Variants in CD40 observed in about 807,000 individuals in gnomAD.
CD40 encodes the protein CD40 molecule.
A neutral mutation model predicts 38.5 loss-of-function variants in CD40; 19 were observed. That is an observed-to-expected ratio of 0.49 (90% CI 0.34 to 0.72). The LOEUF (loss-of-function observed/expected upper bound fraction) is 0.72, where lower values mean the gene tolerates loss of function less well. CD40 is among the 30% of genes least tolerant of loss of function. The pLI is 0.01. For synonymous variants in CD40, 130 were observed against 128.7 expected (o/e 1.01, Z -0.07); for missense variants, 256 against 344.1 (o/e 0.74, Z 2.03).
At chr20:46,121,962 C>T in intron 2 of CD40, 64 bp downstream of exon 2, 1 of 1,334,904 alleles carries the variant, frequency 7.5e-7, no homozygotes, top group Non-Finnish European at 1.1e-6. Context: ...AGACGCAGAC[C>T]CCATATGTTA....
At chr20:46,118,514 G>A in intron 1 of CD40, 120 bp downstream of exon 1, 1 of 766,956 alleles carries the variant, frequency 1.3e-6, no homozygotes, top group Non-Finnish European at 2.2e-6. Flanking sequence ...GAGGGTGGGT[G>A]GGAGCTGGGC....
Position 46,122,876 on chromosome 20 carries a change from T to C in CD40, c.403+120T>C, listed in dbSNP as rs2085347363. On this transcript the variant is annotated intron_variant, in intron 4 of 8. Coordinates refer to ENST00000372285, the MANE Select transcript of CD40 (RefSeq NM_001250.6). This position sits in a 1 kb window ranked among gnomAD's most constrained non-coding sequence, Gnocchi z 5.0. ...CAGAGGAAGCAGAGGCTCCAACCTA[T>C]GTCGGTATCCCCACTGGAGTGAGCT... 2 of 1,290,014 alleles carry C rather than the reference T, an allele frequency of 1.6e-6. No homozygotes were observed. The highest frequency in any genetic ancestry group is 1.1e-6 in the Non-Finnish European group (1 of 920,448). The allele number at this position is 1,290,014 out of a possible 1,614,324, so 79.9% of individuals were successfully genotyped here.
At chr20:46,124,801 CTG>C (rs1257434350) in intron 5 of CD40, among the ~76,000 whole-genome samples, 33 of 112,342 alleles carry the variant, frequency 2.9e-4, no homozygotes, top group Non-Finnish European at 4.7e-4. Context: ...GAGTCTCACT[CTG>C]TCGCCCAGGC....
At chr20:46,119,134 GC>G (rs1267796686) in intron 1 of CD40, among the ~76,000 whole-genome samples, 1 of 152,150 alleles carries the variant, frequency 6.6e-6, no homozygotes, top group East Asian at 1.9e-4. Flanking sequence ...CACCAGAGGG[GC>G]TCAGAGCCAA....
At chr20:46,126,518 G>T (rs989657397) in intron 5 of CD40, 122 bp from the exon 6 acceptor site, 1 of 1,136,956 alleles carries the variant, frequency 8.8e-7, no homozygotes, top group Admixed American at 1.9e-5. Flanking sequence ...TGTGTGCTCA[G>T]TGAACCTGGA....
At position 46,129,112 on chromosome 20, in the gene CD40, G is replaced by C; in HGVS notation, c.*72G>C. ...GGCCAGAGAGCCTGGTGCTGCTGCT[G>C]CTGTGGCGTGAGGGTGAGGGGCTGG... is the stretch of plus-strand genomic sequence containing the variant. On this transcript the variant is annotated 3_prime_UTR_variant, in exon 9 of 9. Coordinates refer to ENST00000372285, the MANE Select transcript of CD40 (RefSeq NM_001250.6). 6.4e-7 allele frequency: 1 copy of C among 1,555,348 alleles called. No homozygotes were observed. The highest frequency in any genetic ancestry group is 1.1e-5 in the South Asian group (1 of 89,786).
rs1282504941 is a variant in CD40 at position 46,128,428 on chromosome 20, G to A, written c.675+70G>A. 2.6e-6 allele frequency: 4 copies of A among 1,540,794 alleles called. No individual in the cohort carries two copies. In the African/African-American group the frequency reaches 5.5e-5, roughly 21 times the overall value. On this transcript the variant is annotated intron_variant, in intron 8 of 8. Coordinates refer to ENST00000372285, the MANE Select transcript of CD40 (RefSeq NM_001250.6). ...GAAGATGGCCTCACGGTTGCCTATGGGGCAGTAAAACTGATTCAGAGTCTG... is the reference window on the plus strand; with the variant it reads ...GAAGATGGCCTCACGGTTGCCTATGAGGCAGTAAAACTGATTCAGAGTCTG...
rs755557724 is a variant in CD40 at position 46,128,834 on chromosome 20, C to A, written c.676-48C>A. ...TTCCCAGGGAGGGGCTCCTCAGAGGCACAGCTGCCCCTGCTGCTGGGGGTG... is the reference window on the plus strand; with the variant it reads ...TTCCCAGGGAGGGGCTCCTCAGAGGAACAGCTGCCCCTGCTGCTGGGGGTG... On this transcript the variant is annotated intron_variant, in intron 8 of 8. Coordinates refer to ENST00000372285, the MANE Select transcript of CD40 (RefSeq NM_001250.6). 2.5e-6 allele frequency: 4 copies of A among 1,604,854 alleles called. No individual in the cohort carries two copies. In the South Asian group the frequency reaches 4.4e-5, roughly 18 times the overall value.
In CD40 at chr20:46,129,454, G is replaced by C; in HGVS notation, c.*414G>C. On this transcript the variant is annotated 3_prime_UTR_variant, in exon 9 of 9. Coordinates refer to ENST00000372285, the MANE Select transcript of CD40 (RefSeq NM_001250.6). ...CATTGTTTGTGATAGTGAACAACTG[G>C]AAGCTGCTTAACTGTCCATCAGCAG... 8.6e-6 allele frequency: 2 copies of C among 232,326 alleles called. No individual in the cohort carries two copies. Among genetic ancestry groups the C allele is most frequent in the South Asian group, 6.1e-5 (1 of 16,290 alleles). The allele number at this position is 232,326 out of a possible 1,614,324, so 14.4% of individuals were successfully genotyped here.
rs1309660087 is a variant in CD40, at chr20:46,118,351, G to T, written c.8G>T (p.Arg3Leu). Residue 3 changes from arginine to leucine, a missense_variant, in exon 1 of 9, where the codon CGT becomes CTT. Physicochemically the swap from Arg to Leu is moderately radical, Grantham distance 102. Transcript: ENST00000372285. Reference sequence around the variant, plus strand: ...GCCTGGTCTCACCTCGCTATGGTTCGTCTGCCTCTGCAGTGCGTCCTCTGG... The same window carrying T: ...GCCTGGTCTCACCTCGCTATGGTTCTTCTGCCTCTGCAGTGCGTCCTCTGG... MV[R>L]LPLQCVLWGC... The T allele has an allele frequency of 1.9e-6, 3 of 1,613,882 alleles. No individual in the cohort carries two copies. Among genetic ancestry groups the T allele is most frequent in the Non-Finnish European group, 2.5e-6 (3 of 1,180,002 alleles).
rs754914712 is a variant in CD40, at chr20:46,121,912, C to T, written c.130+14C>T. 8 of 1,605,508 alleles carry T rather than the reference C, an allele frequency of 5.0e-6. No homozygotes were observed. The Admixed American group carries it at 1.2e-4, about 23-fold the overall frequency. ...TGTGCCAGCCAGGTGAGATGCCAAC[C>T]CTCTAGCCCCATCATGGAGTCCCCC... is the stretch of plus-strand genomic sequence containing the variant. On this transcript the variant is annotated intron_variant, in intron 2 of 8. Transcript: ENST00000372285.
At chr20:46,126,498 T>A in intron 5 of CD40, 142 bp from the exon 6 acceptor site, 1 of 854,806 alleles carries the variant, frequency 1.2e-6, no homozygotes, top group Non-Finnish European at 1.9e-6. Flanking sequence ...GCATAGGACG[T>A]TGCACGTGTT....
chr20:46,122,648 A>G lies in CD40; in HGVS notation c.295A>G (p.Thr99Ala). 1.9e-6 allele frequency: 3 copies of G among 1,614,140 alleles called. No homozygotes were observed. Among genetic ancestry groups the G allele is most frequent in the Non-Finnish European group, 8.5e-7 (1 of 1,180,030 alleles). ...LRVQQKGTSE[T>A]DTICTCEEGW... is the part of the protein sequence containing the mutation. ...GGTCCAGCAGAAGGGCACCTCAGAA[A>G]CAGACACCATCTGCACCTGTGAAGA... is the stretch of plus-strand genomic sequence containing the variant. Residue 99 changes from threonine (T) to alanine (A), a missense_variant, in exon 4 of 9, where the codon ACA becomes GCA. Coordinates refer to ENST00000372285, the MANE Select transcript of CD40 (RefSeq NM_001250.6). The surrounding 1 kb of genome is among the most constrained non-coding windows in gnomAD (Gnocchi z 5.0).
chr20:46,124,116 G>A (rs1384603059), intron 5 of CD40, among the ~76,000 whole-genome samples: 1 of 152,118 alleles, frequency 6.6e-6, no homozygotes, highest in East Asian at 1.9e-4. Flanking sequence ...AGCACAACAT[G>A]GTAAAAACCC....
chr20:46,124,424 G>C (rs2085380773), intron 5 of CD40, among the ~76,000 whole-genome samples: 1 of 152,030 alleles, frequency 6.6e-6, no homozygotes, highest in Non-Finnish European at 1.5e-5. Context: ...TGCCCCTTAG[G>C]CTCCCAGTTC....
intron 1 of CD40, among the ~76,000 whole-genome samples, chr20:46,120,634 C>T (rs995131989): frequency 6.6e-6 from 1 of 152,222 alleles, no homozygotes; most frequent in Non-Finnish European, 1.5e-5. Context: ...CTGGGAGGGC[C>T]TTCAACAAGC....
chr20:46,119,159 C>T (rs1298533657), intron 1 of CD40, among the ~76,000 whole-genome samples: 1 of 152,148 alleles, frequency 6.6e-6, no homozygotes, highest in African/African-American at 2.4e-5. Flanking sequence ...AGCATATCTC[C>T]GGGATTTTCA....
At position 46,123,670 on chromosome 20, in the gene CD40, A is replaced by G. The variant is rs78755172; in HGVS notation, c.497+451A>G. ...CGTGTTTTGGGAACTTACTGTCTCC[A>G]CTGTTGTCACTTTAGTTTGGGCCTC... On this transcript the variant is annotated intron_variant, in intron 5 of 8. Coordinates refer to ENST00000372285, the MANE Select transcript of CD40 (RefSeq NM_001250.6). Among the ~76,000 whole-genome samples, 255 of 152,106 alleles carry G rather than the reference A, an allele frequency of 1.7e-3. 2 individuals are homozygous for G. Among genetic ancestry groups the G allele is most frequent in the African/African-American group, 5.9e-3 (246 of 41,454 alleles).
chr20:46,123,120 T>TC lies in CD40; in HGVS notation c.404-3dup. 6.2e-7 allele frequency: 1 copy of TC among 1,611,218 alleles called. No individual in the cohort carries two copies. Among genetic ancestry groups the TC allele is most frequent in the Non-Finnish European group, 8.5e-7 (1 of 1,177,382 alleles). On this transcript the variant is annotated splice_polypyrimidine_tract_variant and splice_region_variant and intron_variant, in intron 4 of 8. Transcript: ENST00000372285. ...GGTTAATGTCCCCCTCCCCACCCAC[T>TC]CCCAGCTACAGGGGTTTCTGATACC...
Sources: allele counts gnomAD v4.1 joint callset (sites outside exome capture counted in the v4.1 genomes callset), GRCh38; gene constraint gnomAD v4.1.1; non-coding constraint Gnocchi (gnomAD v3.1); transcripts MANE v1.5; gene names NCBI Gene and HGNC (gene_info 2026-07-23, HGNC 2026-07-21).